The following NRXN3 variants were observed in gnomAD, a reference collection of about 807,000 sequenced individuals.
NRXN3 encodes the protein neurexin 3, also known as neurexin III.
A neutral mutation model predicts 137.6 loss-of-function variants in NRXN3; 32 were observed. The observed-to-expected ratio is 0.23, with a 90% confidence interval of 0.18 to 0.31. The LOEUF is 0.31. Among genes scored for constraint, NRXN3 ranks in the 10% least tolerant of loss-of-function variants. The pLI is 1.00. For missense variants in NRXN3, 1,574 were observed against 2,062.5 expected, an observed-to-expected ratio of 0.76 and a Z score of 4.59; for synonymous variants, 798 against 784.5, an observed-to-expected ratio of 1.02 and a Z score of -0.29.
intron 4 of NRXN3, among the ~76,000 whole-genome samples, chr14:78,444,986 TTTA>T (rs1275703126): frequency 6.8e-6 from 1 of 146,420 alleles, no homozygotes; most frequent in African/African-American, 2.5e-5. Flanking sequence ...ACCCAAGATA[TTTA>T]ATACAAGGCA....
intron 4 of NRXN3, among the ~76,000 whole-genome samples, chr14:78,630,830 C>A (rs1226725008): frequency 6.6e-6 from 1 of 152,152 alleles, no homozygotes; most frequent in African/African-American, 2.4e-5. Context: ...TGGTCTCGAT[C>A]TCCTGACCTC....
At chr14:79,785,293 G>T (rs1461324885) in intron 19 of NRXN3, among the ~76,000 whole-genome samples, 1 of 152,148 alleles carries the variant, frequency 6.6e-6, no homozygotes, top group African/African-American at 2.4e-5. Context: ...GCAAAGGTGG[G>T]TTTCCCTGGA....
chr14:78,606,490 T>C (rs1465142871), intron 4 of NRXN3, among the ~76,000 whole-genome samples: 4 of 152,204 alleles, frequency 2.6e-5, no homozygotes, highest in African/African-American at 9.6e-5. Context: ...TTCCTTAGTT[T>C]TACTGAATTT....
At chr14:79,574,377 A>C (rs1455778002) in intron 16 of NRXN3, among the ~76,000 whole-genome samples, 4 of 152,134 alleles carry the variant, frequency 2.6e-5, no homozygotes, top group Admixed American at 2.6e-4. Flanking sequence ...AATATTTAGC[A>C]TCCTGAGCTG....
intron 4 of NRXN3, chr14:78,403,984 G>C (rs1305281057): frequency 1.4e-6 from 1 of 709,844 alleles, no homozygotes; most frequent in African/African-American, 1.9e-5. Context: ...GGTGCAAAGT[G>C]GTATTTGGAA....
intron 16 of NRXN3, among the ~76,000 whole-genome samples, chr14:79,544,339 T>C (rs2153738612): frequency 6.6e-6 from 1 of 152,356 alleles, no homozygotes; most frequent in East Asian, 1.9e-4. Flanking sequence ...TTCCATGCAC[T>C]GGAGCATTAG....
At chr14:79,180,590 T>C (rs542985204) in intron 15 of NRXN3, among the ~76,000 whole-genome samples, 4 of 152,298 alleles carry the variant, frequency 2.6e-5, no homozygotes, top group South Asian at 4.1e-4. Flanking sequence ...AAGTCCCTCA[T>C]CTTAACAGCT....
chr14:79,707,382 T>C (rs1016249884), intron 19 of NRXN3, among the ~76,000 whole-genome samples: 1 of 152,150 alleles, frequency 6.6e-6, no homozygotes, highest in African/African-American at 2.4e-5. Context: ...GAAAGTGCAT[T>C]GAAGCAGGCA....
intron 8 of NRXN3, among the ~76,000 whole-genome samples, chr14:78,795,240 A>T (rs2098818003): frequency 2.0e-5 from 3 of 152,372 alleles, no homozygotes; most frequent in African/African-American, 7.2e-5. Context: ...GAATTTAAGC[A>T]TCGTACAGAT....
At position 78,510,040 on chromosome 14, in the gene NRXN3, T is replaced by TTATA. The variant is rs57232548; in HGVS notation, c.758-135064_758-135061dup. On this transcript the variant is annotated intron_variant, in intron 4 of 20. Transcript: ENST00000335750. Reference sequence around the variant, plus strand: ...AAGGCAGCCAGAACATGACAAAATTTTATATATATATATATATATTTTGGC... The same window carrying TTATA: ...AAGGCAGCCAGAACATGACAAAATTTTATATATATATATATATATATATTTTGGC... Among the ~76,000 whole-genome samples, 404 of 144,492 alleles carry TTATA rather than the reference T, an allele frequency of 2.8e-3. 14 individuals are homozygous for TTATA. The highest frequency in any genetic ancestry group is 0.01 in the African/African-American group (370 of 36,580). 94.8% of individuals were successfully genotyped at this position (144,492 alleles called of 152,430 possible). A position where few individuals can be genotyped will look rare whatever the true frequency, so the allele number is the denominator to read the frequency against.
At chr14:79,035,575 G>T (rs145432089) in intron 15 of NRXN3, among the ~76,000 whole-genome samples, 53 of 152,100 alleles carry the variant, frequency 3.5e-4, no homozygotes, top group African/African-American at 1.2e-3. Context: ...AAAGGGTTTA[G>T]ATCCATAACT....
At chr14:79,773,646 G>A (rs1294766929) in intron 19 of NRXN3, among the ~76,000 whole-genome samples, 1 of 103,812 alleles carries the variant, frequency 9.6e-6, no homozygotes, top group Admixed American at 1.3e-4. Flanking sequence ...GGGGAGGGGG[G>A]AGGGATAGCA....
intron 15 of NRXN3, among the ~76,000 whole-genome samples, chr14:79,359,953 G>A (rs2093626394): frequency 1.3e-5 from 2 of 152,122 alleles, no homozygotes; most frequent in South Asian, 4.1e-4. Context: ...CGCATTGAAA[G>A]AATTGTCTTT....
intron 10 of NRXN3, among the ~76,000 whole-genome samples, chr14:78,930,569 C>G (rs2099318773): frequency 6.6e-6 from 1 of 152,136 alleles, no homozygotes; most frequent in Admixed American, 6.5e-5. Flanking sequence ...TGCACCAAGA[C>G]AGGCAAATAA....
At chr14:78,714,547 T>C (rs2098423067) in intron 7 of NRXN3, among the ~76,000 whole-genome samples, 2 of 152,200 alleles carry the variant, frequency 1.3e-5, no homozygotes, top group South Asian at 4.1e-4. Context: ...TTTTTCTGGG[T>C]CTTCCTAAGG....
At chr14:78,587,095 A>T (rs1030250109) in intron 4 of NRXN3, among the ~76,000 whole-genome samples, 6 of 152,200 alleles carry the variant, frequency 3.9e-5, no homozygotes, top group African/African-American at 7.2e-5. Context: ...TAGGGAAAGA[A>T]ATACTTTGCA....
chr14:79,751,662 G>A (rs1215783059), intron 19 of NRXN3, among the ~76,000 whole-genome samples: 1 of 150,462 alleles, frequency 6.6e-6, no homozygotes, highest in Non-Finnish European at 1.5e-5. Flanking sequence ...TTTTCAAAGG[G>A]AATGCTTCCA....
chr14:79,217,561 G>T (rs75093808), intron 15 of NRXN3, among the ~76,000 whole-genome samples: 1 of 152,172 alleles, frequency 6.6e-6, no homozygotes, highest in Admixed American at 6.5e-5. Context: ...GAACATATAA[G>T]TGAGAAAATA....
At position 78,227,661 on chromosome 14, in the gene NRXN3, C is replaced by T. The variant is rs150844938; in HGVS notation, c.-703-14730C>T. On this transcript the variant is annotated intron_variant, in intron 1 of 20. Transcript: ENST00000335750. ...GTCCTTCAGCATAGGCAGTTAACAC[C>T]GAAGCAGACGAGGCTGAAGTACATC... Among the ~76,000 whole-genome samples the T allele has an allele frequency of 3.0e-4, 45 of 152,274 alleles. 1 individual carries two copies. The East Asian group carries it at 5.6e-3, about 19-fold the overall frequency.
Sources: allele counts gnomAD v4.1 joint callset (sites outside exome capture counted in the v4.1 genomes callset), GRCh38; gene constraint gnomAD v4.1.1; transcripts MANE v1.5; gene names NCBI Gene and HGNC (gene_info 2026-07-23, HGNC 2026-07-21).